The following STK33 variants were observed in gnomAD, a reference collection of about 807,000 sequenced individuals.
STK33 encodes serine/threonine kinase 33.
A neutral mutation model predicts 58.0 loss-of-function variants in STK33; 52 were observed. That is an observed-to-expected ratio of 0.90 (90% confidence interval 0.72 to 1.13). The LOEUF is 1.13. Among genes scored for constraint, STK33 ranks in the 50% most tolerant of loss-of-function variants. The pLI, the probability that STK33 is intolerant of heterozygous loss-of-function variation, is 0.00. For synonymous variants in STK33, 215 were observed against 200.1 expected, an observed-to-expected ratio of 1.07 and a Z score of -0.63; for missense variants, 630 against 604.2, an observed-to-expected ratio of 1.04 and a Z score of -0.45.
the STK33 span, among the ~76,000 whole-genome samples, chr11:8,359,780 T>C: frequency 6.6e-6 from 1 of 152,368 alleles, no homozygotes; most frequent in Non-Finnish European, 1.5e-5. Flanking sequence ...CCTGACACTT[T>C]CCTGTGCAGT....
At chr11:8,559,932 A>C (rs1373405131) in intron 1 of STK33, among the ~76,000 whole-genome samples, 1 of 152,116 alleles carries the variant, frequency 6.6e-6, no homozygotes, top group African/African-American at 2.4e-5. Flanking sequence ...TAAATATTAT[A>C]GCCTAACCAT....
chr11:8,424,813 T>C (rs1942483293), intron 14 of STK33, among the ~76,000 whole-genome samples: 1 of 143,748 alleles, frequency 7.0e-6, no homozygotes, highest in Non-Finnish European at 1.5e-5. Context: ...GTTCATATCC[T>C]TTGCCCACTT....
At chr11:8,496,678 C>T (rs986391194) in intron 1 of STK33, among the ~76,000 whole-genome samples, 28 of 151,918 alleles carry the variant, frequency 1.8e-4, no homozygotes, top group African/African-American at 6.8e-4. Context: ...AGGTTCACGC[C>T]ATTCTCCTGC....
chr11:8,504,342 C>T (rs780334308), intron 1 of STK33, among the ~76,000 whole-genome samples: 1 of 152,212 alleles, frequency 6.6e-6, no homozygotes, highest in Non-Finnish European at 1.5e-5. Flanking sequence ...CCTTTGACAA[C>T]TAGGTCAATT....
At chr11:8,387,616 G>T (rs938462334), downstream of STK33, among the ~76,000 whole-genome samples, 3 of 152,316 alleles carry the variant, frequency 2.0e-5, no homozygotes, top group South Asian at 2.1e-4. Context: ...CTGAAAGGGG[G>T]TTTTAGTTAA....
intron 9 of STK33, among the ~76,000 whole-genome samples, chr11:8,456,577 C>T (rs1420105522): frequency 6.6e-6 from 1 of 152,122 alleles, no homozygotes; most frequent in Admixed American, 6.5e-5. Context: ...TGTCACTGCA[C>T]CTCTCTGGAA....
At chr11:8,369,985 C>G in the STK33 span, among the ~76,000 whole-genome samples, 1 of 152,206 alleles carries the variant, frequency 6.6e-6, no homozygotes, top group South Asian at 2.1e-4. Context: ...AGGCAGTTGT[C>G]TGATCTGAGT....
intron 1 of STK33, among the ~76,000 whole-genome samples, chr11:8,480,905 A>C (rs1350368657): frequency 6.6e-6 from 1 of 152,200 alleles, no homozygotes; most frequent in Non-Finnish European, 1.5e-5. Flanking sequence ...CAGGAATTTG[A>C]GAGTAAATCT....
At chr11:8,422,326 T>C (rs1365082922) in intron 14 of STK33, among the ~76,000 whole-genome samples, 1 of 152,188 alleles carries the variant, frequency 6.6e-6, no homozygotes, top group Non-Finnish European at 1.5e-5. Context: ...CCAAGATATA[T>C]TATCTGTTAA....
chr11:8,389,872 C>T (rs1031237907), downstream of STK33, among the ~76,000 whole-genome samples: 5 of 152,218 alleles, frequency 3.3e-5, no homozygotes, highest in African/African-American at 1.2e-4. Context: ...CTTCCATTTC[C>T]CTGGGTCTTC....
chr11:8,519,123 G>C (rs935883726), intron 1 of STK33, among the ~76,000 whole-genome samples: 1 of 152,150 alleles, frequency 6.6e-6, no homozygotes, highest in African/African-American at 2.4e-5. Flanking sequence ...TAAAAGAACA[G>C]AAATTATAAC....
At chr11:8,445,986 C>T (rs564179072) in intron 11 of STK33, among the ~76,000 whole-genome samples, 10 of 151,604 alleles carry the variant, frequency 6.6e-5, no homozygotes, top group East Asian at 5.9e-4. Context: ...TGGTAGAATT[C>T]GGCTGTGAAT....
chr11:8,410,816 G>A (rs1940118178), intron 15 of STK33, among the ~76,000 whole-genome samples: 1 of 152,082 alleles, frequency 6.6e-6, no homozygotes, highest in Non-Finnish European at 1.5e-5. Flanking sequence ...TCAAGACTGT[G>A]TTAAATAAAC....
the STK33 span, among the ~76,000 whole-genome samples, chr11:8,337,636 G>A: frequency 9.8e-6 from 1 of 102,206 alleles, no homozygotes. Flanking sequence ...GCTTGACGAC[G>A]GCGGGGGGCG....
chr11:8,515,032 T>C (rs958845813), intron 1 of STK33, among the ~76,000 whole-genome samples: 2 of 152,084 alleles, frequency 1.3e-5, no homozygotes, highest in African/African-American at 4.8e-5. Flanking sequence ...ATGGTCATAA[T>C]AGCAGATTAA....
At chr11:8,449,947 C>T (rs1229024348) in intron 11 of STK33, among the ~76,000 whole-genome samples, 6 of 152,048 alleles carry the variant, frequency 3.9e-5, no homozygotes, top group South Asian at 4.1e-4. Flanking sequence ...GCTTTTACAC[C>T]GTTGGTGGGA....
chr11:8,339,888 C>A, the STK33 span, among the ~76,000 whole-genome samples: 4 of 152,214 alleles, frequency 2.6e-5, no homozygotes, highest in Admixed American at 2.6e-4. Context: ...CAGGTGAGTC[C>A]TCACCTCCTC....
chr11:8,488,717 C>A (rs1220459652), intron 1 of STK33, among the ~76,000 whole-genome samples: 1 of 152,052 alleles, frequency 6.6e-6, no homozygotes, highest in Non-Finnish European at 1.5e-5. Flanking sequence ...CTACAACCAG[C>A]AGCAACAAAA....
At chr11:8,397,636 G>C (rs548365247) in intron 15 of STK33, among the ~76,000 whole-genome samples, 64 of 152,284 alleles carry the variant, frequency 4.2e-4, no homozygotes, top group South Asian at 1.2e-3. Context: ...AGTTGAGAAA[G>C]AAGGCTTTAG....
Sources: gnomAD v4.1 joint callset for allele counts (sites outside exome capture counted in the v4.1 genomes callset) on GRCh38, gnomAD v4.1.1 for gene constraint, MANE v1.5 for transcripts, NCBI Gene and HGNC (gene_info 2026-07-23, HGNC 2026-07-21) for gene names.